The following C2CD2 variants were observed in gnomAD, a reference collection of about 807,000 sequenced individuals.
C2CD2 encodes the protein C2 domain-containing protein 2.
Under a neutral mutation model 74.3 loss-of-function variants are expected in C2CD2, and 43 were observed. The ratio of observed to expected loss-of-function variants is 0.58; its 90% CI spans 0.45 to 0.75. The LOEUF (loss-of-function observed/expected upper bound fraction) is 0.75. C2CD2 is among the 30% of genes least tolerant of loss of function. The probability of loss-of-function intolerance (pLI) is 0.00; values close to 1 mark genes in which losing one functional copy is unlikely to be tolerated. For missense variants in C2CD2, 801 were observed against 916.3 expected (o/e 0.87, Z 1.63); for synonymous variants, 422 against 390.7 (o/e 1.08, Z -0.94).
chr21:41,948,596 A>G (rs1181594410), intron 1 of C2CD2, among the ~76,000 whole-genome samples: 1 of 152,208 alleles, frequency 6.6e-6, no homozygotes, highest in Non-Finnish European at 1.5e-5. Flanking sequence ...TGCAGGGTTC[A>G]CAGCCCCAAA....
At chr21:41,941,384 GA>G (rs2065353061) in intron 2 of C2CD2, among the ~76,000 whole-genome samples, 2 of 152,080 alleles carry the variant, frequency 1.3e-5, no homozygotes, top group African/African-American at 4.8e-5. Flanking sequence ...AGCCAAAAAA[GA>G]GAGAGAGAAA....
intron 2 of C2CD2, among the ~76,000 whole-genome samples, chr21:41,932,475 A>G (rs2065271277): frequency 6.6e-6 from 1 of 150,592 alleles, no homozygotes; most frequent in African/African-American, 2.4e-5. Flanking sequence ...GGCAACCCGG[A>G]GCTTACGCCT....
Position 41,926,601 on chromosome 21 carries a change from T to C in C2CD2, c.379-4516A>G. The C allele has an allele frequency of 1.0e-6, 1 of 982,476 alleles. No homozygotes were observed. Among genetic ancestry groups the C allele is most frequent in the Non-Finnish European group, 1.2e-6 (1 of 827,302 alleles). The allele number at this position is 982,476 out of a possible 1,614,324, so 60.9% of individuals were successfully genotyped here. A position where few individuals can be genotyped will look rare whatever the true frequency, so the allele number is the denominator to read the frequency against. On this transcript the variant is annotated intron_variant, in intron 2 of 13. Transcript: ENST00000380486. This position sits in a 1 kb window ranked among gnomAD's most constrained non-coding sequence, Gnocchi z 8.0. Reference sequence around the variant, plus strand: ...GCAAACAGCGCTTATCTGGAAACTATTCCTTTGTTTAGACTTGGGGCCAAA... The same window carrying C: ...GCAAACAGCGCTTATCTGGAAACTACTCCTTTGTTTAGACTTGGGGCCAAA...
At chr21:41,894,793 G>A (rs867811867) in intron 13 of C2CD2, 2 of 456,610 alleles carry the variant, frequency 4.4e-6, no homozygotes, top group African/African-American at 4.0e-5. Flanking sequence ...TCACCTTTGG[G>A]GTAAACGATG....
intron 11 of C2CD2, 106 bp downstream of exon 11, chr21:41,905,618 C>CA (rs1270704394): frequency 6.3e-6 from 4 of 632,498 alleles, no homozygotes; most frequent in Non-Finnish European, 1.1e-5. Context: ...ACACCAGGCC[C>CA]AAAACAACTT....
chr21:41,927,251 C>T (rs1232138655), intron 2 of C2CD2, among the ~76,000 whole-genome samples: 2 of 152,064 alleles, frequency 1.3e-5, no homozygotes, highest in Non-Finnish European at 2.9e-5. Context: ...CTGCAGCCTC[C>T]GCCTCCTGGG....
At chr21:41,909,545 T>C (rs1020156009) in intron 7 of C2CD2, 22 bp from the exon 8 acceptor site, 3 of 1,549,476 alleles carry the variant, frequency 1.9e-6, no homozygotes, top group Admixed American at 1.7e-5. Flanking sequence ...AAACAAGTTA[T>C]GAGTCCTAAA....
intron 2 of C2CD2, 131 bp downstream of exon 2, chr21:41,942,016 G>T: frequency 8.2e-7 from 1 of 1,216,976 alleles, no homozygotes; most frequent in Non-Finnish European, 1.1e-6. Context: ...TCAGCTGATG[G>T]GCCAGATGGT....
intron 13 of C2CD2, among the ~76,000 whole-genome samples, chr21:41,890,324 T>C (rs2064736125): frequency 6.6e-6 from 1 of 152,184 alleles, no homozygotes; most frequent in Non-Finnish European, 1.5e-5. Flanking sequence ...TATATACAGA[T>C]ATTTACCTGG....
chr21:41,933,045 A>G (rs2065276410), intron 2 of C2CD2, among the ~76,000 whole-genome samples: 1 of 150,328 alleles, frequency 6.7e-6, no homozygotes, highest in African/African-American at 2.4e-5. Flanking sequence ...CAGAGATGGC[A>G]TTACATAACA....
intron 2 of C2CD2, among the ~76,000 whole-genome samples, chr21:41,927,599 T>C (rs1327824320): frequency 6.6e-6 from 1 of 151,846 alleles, no homozygotes; most frequent in Non-Finnish European, 1.5e-5. Context: ...GCCTCCCGAG[T>C]AGTTGGGACT....
Position 41,923,337 on chromosome 21 carries a change from C to T in C2CD2, c.379-1252G>A, listed in dbSNP as rs1227811621. ...AATATCATCTTGTTCTATTTCTCCA[C>T]AATAGCTGATTTTTAATTCCCCAAA... On this transcript the variant is annotated intron_variant, in intron 2 of 13. Coordinates refer to ENST00000380486, the MANE Select transcript of C2CD2 (RefSeq NM_015500.2). The surrounding 1 kb of genome is among the most constrained non-coding windows in gnomAD (Gnocchi z 5.8). Among the ~76,000 whole-genome samples, 1 of 152,174 alleles carries T rather than the reference C, an allele frequency of 6.6e-6. No individual in the cohort carries two copies. The highest frequency in any genetic ancestry group is 1.5e-5 in the Non-Finnish European group (1 of 68,034).
Position 41,889,339 on chromosome 21 carries a change from T to C in C2CD2, c.1876A>G (p.Ile626Val). 1 of 1,612,732 alleles carries C rather than the reference T, an allele frequency of 6.2e-7. No homozygotes were observed. Among genetic ancestry groups the C allele is most frequent in the South Asian group, 1.1e-5 (1 of 90,964 alleles). Residue 626 changes from isoleucine (I) to valine (V), a missense_variant, in exon 14 of 14, where the codon ATT becomes GTT. Transcript: ENST00000380486. Reference sequence around the variant, plus strand: ...AACAGCTTTGCACCTTTCCTTAGAATTCCTCCTGGAAGAGGGAGGCACAAG... The same window carrying C: ...AACAGCTTTGCACCTTTCCTTAGAACTCCTCCTGGAAGAGGGAGGCACAAG... ...PGTAKKHKGG[I>V]LRKGAKLFFR...
In C2CD2 at chr21:41,923,638, TCAGA is replaced by T. The variant is rs1450686985; in HGVS notation, c.379-1557_379-1554del. 1.3e-5 allele frequency among the ~76,000 whole-genome samples: 2 copies of T among 152,164 alleles called. No individual in the cohort carries two copies. Among genetic ancestry groups the T allele is most frequent in the East Asian group, 1.9e-4 (1 of 5,198 alleles). ...TAAAATGAGCTCGTTGAAGAAACTG[TCAGA>T]CAGAGAAAGATAATAACCTCAGGAA... On this transcript the variant is annotated intron_variant, in intron 2 of 13. Coordinates refer to ENST00000380486, the MANE Select transcript of C2CD2 (RefSeq NM_015500.2). This position sits in a 1 kb window ranked among gnomAD's most constrained non-coding sequence, Gnocchi z 5.8.
intron 1 of C2CD2, among the ~76,000 whole-genome samples, chr21:41,944,930 A>G (rs1287755232): frequency 6.6e-5 from 10 of 152,252 alleles, no homozygotes; most frequent in African/African-American, 2.2e-4. Context: ...CAACAAACAC[A>G]TGCACTACGA....
In C2CD2 at chr21:41,942,548, T is replaced by C. The variant is rs7282752; in HGVS notation, c.280-303A>G. Among the ~76,000 whole-genome samples, 8 of 152,262 alleles carry C rather than the reference T, an allele frequency of 5.3e-5. No individual in the cohort carries two copies. The East Asian group carries it at 1.4e-3, about 26-fold the overall frequency. ...CAGCGAAGGGTGTTTTGAATCTTCC[T>C]GCTGACAGCATAAGGAAAGAAACAG... is the stretch of plus-strand genomic sequence containing the variant. On this transcript the variant is annotated intron_variant, in intron 1 of 13. Coordinates refer to ENST00000380486, the MANE Select transcript of C2CD2 (RefSeq NM_015500.2).
chr21:41,899,235 G>A lies in C2CD2; in HGVS notation c.1688C>T (p.Ala563Val), dbSNP rs2064862043. ...RAAASAPPEE[A>V]ESAQASLAPK... ...GGCAAGGGATGCCTGGGCTGACTCG[G>A]CTTCCTCTGGCGGGGCAGAGGCTGC... The change falls in exon 13 of 14, where the codon GCC (alanine) becomes GTC (valine). Residue 563 changes from alanine to valine, a missense_variant. By Grantham distance (64) the Ala-to-Val change is moderately conservative (BLOSUM62 0). Transcript: ENST00000380486. The surrounding 1 kb of genome is among the most constrained non-coding windows in gnomAD (Gnocchi z 4.4). 1.2e-6 allele frequency: 2 copies of A among 1,612,108 alleles called. No individual in the cohort carries two copies. The highest frequency in any genetic ancestry group is 1.7e-6 in the Non-Finnish European group (2 of 1,179,616).
chr21:41,895,567 G>A lies in C2CD2; in HGVS notation c.1870+3486C>T, dbSNP rs1233193048. Among the ~76,000 whole-genome samples, 2 of 152,102 alleles carry A rather than the reference G, an allele frequency of 1.3e-5. No individual in the cohort carries two copies. Among genetic ancestry groups the A allele is most frequent in the African/African-American group, 4.8e-5 (2 of 41,418 alleles). On this transcript the variant is annotated intron_variant, in intron 13 of 13. Transcript: ENST00000380486. This position sits in a 1 kb window ranked among gnomAD's most constrained non-coding sequence, Gnocchi z 5.0. ...TGGGGAGTGGTTATGTGAAATTGGA[G>A]GCAAGTAACCAAGATTTTAAATGGG...
At chr21:41,893,941 C>T (rs1209327582) in intron 13 of C2CD2, among the ~76,000 whole-genome samples, 3 of 152,142 alleles carry the variant, frequency 2.0e-5, no homozygotes, top group Non-Finnish European at 2.9e-5. Context: ...CCTCGTGATC[C>T]GCCCACCTCG....
Sources: allele counts gnomAD v4.1 joint callset (sites outside exome capture counted in the v4.1 genomes callset), GRCh38; gene constraint gnomAD v4.1.1; non-coding constraint Gnocchi (gnomAD v3.1); transcripts MANE v1.5; gene names NCBI Gene and HGNC (gene_info 2026-07-23, HGNC 2026-07-21).